FRA10AC1: variants seen among roughly 807,000 people sequenced by gnomAD.
FRA10AC1 encodes FRA10A associated CGG repeat 1.
A neutral mutation model predicts 56.5 loss-of-function variants in FRA10AC1; 43 were observed. The observed-to-expected ratio is 0.76, with a 90% confidence interval of 0.60 to 0.98. The LOEUF (loss-of-function observed/expected upper bound fraction) is 0.98, where lower values mean the gene tolerates loss of function less well. Among genes scored for constraint, FRA10AC1 ranks in the 50% least tolerant of loss-of-function variants. FRA10AC1 has a pLI of 0.00. For missense variants in FRA10AC1, 346 were observed against 351.8 expected (o/e 0.98, Z 0.13); for synonymous variants, 112 against 110.5 (o/e 1.01, Z -0.09).
At position 93,698,372 on chromosome 10, in the gene FRA10AC1, G is replaced by A. The variant is rs1193386073; in HGVS notation, c.102C>T (p.Leu34=). 1 of 1,610,046 alleles carries A rather than the reference G, an allele frequency of 6.2e-7. No homozygotes were observed. The highest frequency in any genetic ancestry group is 1.3e-5 in the African/African-American group (1 of 74,846). The change falls in exon 3 of 14, where the codon CTC becomes CTT. Residue 34 remains leucine (L), a synonymous_variant. Coordinates refer to ENST00000359204, the MANE Select transcript of FRA10AC1 (RefSeq NM_145246.5). ...KKRTVEDDLL[L]QKPFQKEKHG... is the part of the protein sequence containing the mutation. ...GTTTTTCTTTCTGAAATGGTTTTTG[G>A]AGCAGTAAGTCATCTTCAACTGTCC...
intron 12 of FRA10AC1, chr10:93,671,959 A>G (rs534444826): frequency 4.2e-5 from 17 of 406,702 alleles, no homozygotes; most frequent in African/African-American, 2.5e-4. Flanking sequence ...CAAAATAGAT[A>G]TGTTTCAAAT....
intron 5 of FRA10AC1, among the ~76,000 whole-genome samples, chr10:93,693,750 G>A (rs949282207): frequency 1.4e-5 from 2 of 147,564 alleles, no homozygotes; most frequent in African/African-American, 2.5e-5. Flanking sequence ...GCCATAGAAA[G>A]GAATGAAATG....
intron 4 of FRA10AC1, among the ~76,000 whole-genome samples, chr10:93,695,972 T>C (rs186076772): frequency 2.0e-5 from 3 of 152,314 alleles, no homozygotes; most frequent in Admixed American, 2.0e-4. Context: ...AAAGACAACA[T>C]ATAAATGAAG....
At chr10:93,693,345 A>G (rs1352566872) in intron 5 of FRA10AC1, among the ~76,000 whole-genome samples, 1 of 149,446 alleles carries the variant, frequency 6.7e-6, no homozygotes, top group Non-Finnish European at 1.5e-5. Flanking sequence ...GTTAGAGGGA[A>G]AAAAAAAACC....
intron 7 of FRA10AC1, among the ~76,000 whole-genome samples, chr10:93,690,928 C>G (rs2059115055): frequency 6.6e-6 from 1 of 152,208 alleles, no homozygotes; most frequent in Admixed American, 6.5e-5. Flanking sequence ...TGAAGCAACA[C>G]ACATATTAAA....
chr10:93,702,740 C>T (rs1013157384), upstream of FRA10AC1, among the ~76,000 whole-genome samples: 1 of 152,054 alleles, frequency 6.6e-6, no homozygotes, highest in Non-Finnish European at 1.5e-5. Flanking sequence ...TTCGCCAAGT[C>T]GCGGCTCCCA....
intron 4 of FRA10AC1, among the ~76,000 whole-genome samples, chr10:93,695,668 T>G (rs1225259036): frequency 1.3e-5 from 2 of 151,934 alleles, no homozygotes; most frequent in East Asian, 3.9e-4. Flanking sequence ...TCATAATGTG[T>G]ACTAACAGAC....
intron 11 of FRA10AC1, among the ~76,000 whole-genome samples, chr10:93,677,304 T>C (rs1211397301): frequency 6.6e-6 from 1 of 151,966 alleles, no homozygotes; most frequent in Admixed American, 6.6e-5. Context: ...TTCTGAAGGA[T>C]GATAAAGTAA....
intron 6 of FRA10AC1, among the ~76,000 whole-genome samples, chr10:93,692,337 T>C (rs780118634): frequency 6.6e-6 from 1 of 152,170 alleles, no homozygotes; most frequent in African/African-American, 2.4e-5. Flanking sequence ...TTTGTAATGT[T>C]TGGATTTAAA....
At chr10:93,695,884 G>C (rs1267710546) in intron 4 of FRA10AC1, among the ~76,000 whole-genome samples, 1 of 149,824 alleles carries the variant, frequency 6.7e-6, no homozygotes, top group South Asian at 2.1e-4. Flanking sequence ...CGGCCAGATG[G>C]TAAATATTTC....
chr10:93,670,978 ACT>A (rs2058751786), intron 12 of FRA10AC1, 130 bp from the exon 13 acceptor site: 1 of 613,862 alleles, frequency 1.6e-6, no homozygotes, highest in Non-Finnish European at 2.9e-6. Context: ...AATTTAATTC[ACT>A]CTCACAGGTA....
In FRA10AC1 at chr10:93,701,050, G is replaced by A. The variant is rs72808883; in HGVS notation, c.1-944C>T. On this transcript the variant is annotated intron_variant, in intron 1 of 13. Coordinates refer to ENST00000359204, the MANE Select transcript of FRA10AC1 (RefSeq NM_145246.5). ...GGGGTTTCGCCATGTTGCCCACGCCGGTCTCAAACTCCTGGGCTTGAGCAA... is the reference window on the plus strand; with the variant it reads ...GGGGTTTCGCCATGTTGCCCACGCCAGTCTCAAACTCCTGGGCTTGAGCAA... Among the ~76,000 whole-genome samples the A allele has an allele frequency of 3.1e-3, 473 of 152,018 alleles. 1 individual carries two copies. The highest frequency in any genetic ancestry group is 5.9e-3 in the Non-Finnish European group (402 of 67,972).
rs41290236 is a variant in FRA10AC1, at chr10:93,675,590, G to A, written c.826+1063C>T. 1,654 of 273,870 alleles carry A rather than the reference G, an allele frequency of 6.0e-3. 19 individuals carry two copies. Among genetic ancestry groups the A allele is most frequent in the Middle Eastern group, 0.013 (13 of 976 alleles). The allele number at this position is 273,870 out of a possible 1,614,324, so 17.0% of individuals were successfully genotyped here. A position where few individuals can be genotyped will look rare whatever the true frequency, so the allele number is the denominator to read the frequency against. On this transcript the variant is annotated intron_variant, in intron 12 of 13. Coordinates refer to ENST00000359204, the MANE Select transcript of FRA10AC1 (RefSeq NM_145246.5). ...CATAGTGATGGGTGTCTGCAGTCCC[G>A]GCGACTTGGGAGGCTGAGGCAGGAG...
intron 12 of FRA10AC1, chr10:93,673,987 T>C (rs971216510): frequency 9.6e-5 from 16 of 167,258 alleles, no homozygotes; most frequent in African/African-American, 2.6e-4. Context: ...TATAAACTTA[T>C]GTTTAATCCC....
chr10:93,692,578 A>C, intron 6 of FRA10AC1, 68 bp downstream of exon 6: 1 of 1,011,908 alleles, frequency 9.9e-7, no homozygotes, highest in East Asian at 2.5e-5. Context: ...TTGACTAAAA[A>C]ACCACTCAGA....
chr10:93,680,930 T>C (rs1174226843), intron 11 of FRA10AC1, among the ~76,000 whole-genome samples: 1 of 152,214 alleles, frequency 6.6e-6, no homozygotes, highest in Non-Finnish European at 1.5e-5. Flanking sequence ...AGCACCATGC[T>C]AGGCTCTGAG....
intron 1 of FRA10AC1, 60 bp from the exon 2 acceptor site, chr10:93,700,166 A>T: frequency 1.0e-6 from 1 of 961,516 alleles, no homozygotes; most frequent in South Asian, 1.5e-5. Context: ...CCAGGAAACA[A>T]TAATTCAAAA....
chr10:93,673,312 C>G, intron 12 of FRA10AC1: 1 of 456,564 alleles, frequency 2.2e-6, no homozygotes. Flanking sequence ...TACTTCCTCA[C>G]CTCTTCCCTC....
chr10:93,702,519 A>ACAGCCGCCG lies in FRA10AC1; in HGVS notation c.-146_-145insCGGCGGCTG, dbSNP rs2059355780. 2 of 159,532 alleles carry ACAGCCGCCG rather than the reference A, an allele frequency of 1.3e-5. No homozygotes were observed. Among genetic ancestry groups the ACAGCCGCCG allele is most frequent in the Non-Finnish European group, 2.4e-5 (2 of 83,778 alleles). 9.9% of individuals were successfully genotyped at this position (159,532 alleles called of 1,614,324 possible). ...CCTGCCGCACAGCCTCGCCACAACC[A>ACAGCCGCCG]CCACCGCCGCCGCCGCCGCCGCCGC... On this transcript the variant is annotated 5_prime_UTR_variant, in exon 1 of 14. Transcript: ENST00000359204.
Sources: allele counts gnomAD v4.1 joint callset (sites outside exome capture counted in the v4.1 genomes callset), GRCh38; gene constraint gnomAD v4.1.1; transcripts MANE v1.5; gene names NCBI Gene and HGNC (gene_info 2026-07-23, HGNC 2026-07-21).